The following NAV2 variants were observed in gnomAD, a reference collection of about 807,000 sequenced individuals.
NAV2 encodes helicase, APC down-regulated 1.
In NAV2, 54 loss-of-function variants were observed where a neutral mutation model predicts 223.2. The ratio of observed to expected loss-of-function variants is 0.24; its 90% CI spans 0.19 to 0.30. The LOEUF is 0.30. Among genes scored for constraint, NAV2 ranks in the 10% least tolerant of loss-of-function variants. NAV2 has a pLI of 1.00. For missense variants in NAV2, 2,806 were observed against 3,147.5 expected, an observed-to-expected ratio of 0.89 and a Z score of 2.60; for synonymous variants, 1,279 against 1,239.3, an observed-to-expected ratio of 1.03 and a Z score of -0.67.
chr11:20,106,175 A>ATATATATGTGTGTGTGTGTGTGTGTGTG (rs11267537), intron 35 of NAV2, among the ~76,000 whole-genome samples: 3 of 35,828 alleles, frequency 8.4e-5, no homozygotes, highest in African/African-American at 2.0e-4. Flanking sequence ...ATATATATAT[A>ATATATATGTGTGTGTGTGTGTGTGTGTG]TGTGTGTGTA....
intron 1 of NAV2, among the ~76,000 whole-genome samples, chr11:19,826,127 TTGA>T (rs1237977950): frequency 2.0e-5 from 3 of 152,170 alleles, no homozygotes; most frequent in Non-Finnish European, 4.4e-5. Context: ...GTGAAATGAC[TTGA>T]TGATTTAGAA....
intron 2 of NAV2, among the ~76,000 whole-genome samples, chr11:19,836,550 C>G (rs1397658975): frequency 1.5e-5 from 2 of 131,742 alleles, no homozygotes. Flanking sequence ...GGCGACAGAG[C>G]GAGACTCTGT....
chr11:19,489,539 GTC>G (rs2042554901), intron 1 of NAV2, among the ~76,000 whole-genome samples: 1 of 152,168 alleles, frequency 6.6e-6, no homozygotes, highest in African/African-American at 2.4e-5. Context: ...GAGGGTCACA[GTC>G]TCTGACTTAC....
At chr11:19,981,631 G>GT (rs2050297809) in intron 10 of NAV2, among the ~76,000 whole-genome samples, 2 of 152,242 alleles carry the variant, frequency 1.3e-5, no homozygotes, top group Admixed American at 1.3e-4. Flanking sequence ...GCTTAATGGT[G>GT]TAATAGATGG....
intron 3 of NAV2, among the ~76,000 whole-genome samples, chr11:19,854,539 G>C (rs780011787): frequency 6.6e-6 from 1 of 152,122 alleles, no homozygotes; most frequent in Non-Finnish European, 1.5e-5. Context: ...CTTTGGGTGG[G>C]TGTGGGCTGT....
At chr11:20,050,899 G>A (rs1438339623) in intron 16 of NAV2, among the ~76,000 whole-genome samples, 1 of 152,238 alleles carries the variant, frequency 6.6e-6, no homozygotes, top group African/African-American at 2.4e-5. Flanking sequence ...AGGGGTGCAG[G>A]GAAGTGGGCA....
In NAV2 at chr11:19,978,672, T is replaced by A. The variant is rs59314048; in HGVS notation, c.2646-5453T>A. On this transcript the variant is annotated intron_variant, in intron 10 of 37. Transcript: ENST00000349880. ...GAGGTTTTTTTTTTTTTTTTTTTTT[T>A]ATGTCATGCTCTATTAGAAATGCAC... 6.8e-3 allele frequency: 567 copies of A among 83,674 alleles called. 3 individuals are homozygous for A. The highest frequency in any genetic ancestry group is 0.025 in the African/African-American group (534 of 21,466). 5.2% of individuals were successfully genotyped at this position (83,674 alleles called of 1,614,324 possible). A position where few individuals can be genotyped will look rare whatever the true frequency, so the allele number is the denominator to read the frequency against.
chr11:19,911,031 ATT>A (rs996900212), intron 6 of NAV2, among the ~76,000 whole-genome samples: 4,803 of 123,274 alleles, frequency 0.039, 263 homozygotes, highest in African/African-American at 0.13. Flanking sequence ...TTGCAAGCAC[ATT>A]TTTTTTTTTT....
chr11:20,082,715 C>T, intron 25 of NAV2: 1 of 1,102,668 alleles, frequency 9.1e-7, no homozygotes, highest in Non-Finnish European at 1.4e-6. Context: ...TGTGTAACCT[C>T]ATCTTCCCAA....
rs1270539558 is a variant in NAV2 at position 19,898,575 on chromosome 11, ATATC to A, written c.931+5982_931+5985del. Among the ~76,000 whole-genome samples the A allele has an allele frequency of 3.3e-5, 5 of 152,180 alleles. No individual in the cohort carries two copies. In the South Asian group the frequency reaches 1.0e-3, roughly 31 times the overall value. Reference sequence around the variant, plus strand: ...TATTCCATTGTATGGATTTACCACAATATCGTTTAATCACTTTCATTTATGTTGT... The same window carrying A: ...TATTCCATTGTATGGATTTACCACAAGTTTAATCACTTTCATTTATGTTGT... On this transcript the variant is annotated intron_variant, in intron 6 of 37. Coordinates refer to ENST00000349880, the MANE Select transcript of NAV2 (RefSeq NM_145117.5).
At chr11:19,948,562 A>G in intron 9 of NAV2, 129 bp from the exon 10 acceptor site, 2 of 973,382 alleles carry the variant, frequency 2.1e-6, no homozygotes, top group South Asian at 2.4e-5. Context: ...CAGGTGGTAC[A>G]TGGGGGCTGG....
intron 4 of NAV2, among the ~76,000 whole-genome samples, chr11:19,877,072 G>A (rs2062884781): frequency 6.6e-6 from 1 of 151,944 alleles, no homozygotes. Flanking sequence ...GTTACACAGT[G>A]TTAGGAAACT....
rs202078188 is a variant in NAV2, at chr11:19,719,077, C to T, written c.267+5115C>T. ...TACTTATAAGATATAAGGGATGTAGCCTTCAGAGAGGTGTTTTCATGAGGC... is the reference window on the plus strand; with the variant it reads ...TACTTATAAGATATAAGGGATGTAGTCTTCAGAGAGGTGTTTTCATGAGGC... On this transcript the variant is annotated intron_variant, in intron 1 of 37. Transcript: ENST00000349880. Among the ~76,000 whole-genome samples, 25 of 152,254 alleles carry T rather than the reference C, an allele frequency of 1.6e-4. No homozygotes were observed. In the East Asian group the frequency reaches 2.3e-3, roughly 14 times the overall value.
chr11:19,427,661 C>T (rs535857707), intron 1 of NAV2, among the ~76,000 whole-genome samples: 6 of 152,332 alleles, frequency 3.9e-5, no homozygotes, highest in African/African-American at 1.4e-4. Context: ...CAATCTCCCA[C>T]AGCCATGCCA....
chr11:20,088,994 C>A (rs188216320), intron 26 of NAV2, among the ~76,000 whole-genome samples: 24 of 151,922 alleles, frequency 1.6e-4, no homozygotes, highest in African/African-American at 5.3e-4. Flanking sequence ...CTCCTGCAAA[C>A]CTCCCAAACC....
At chr11:19,493,496 A>G (rs2042696711) in intron 1 of NAV2, among the ~76,000 whole-genome samples, 1 of 152,198 alleles carries the variant, frequency 6.6e-6, no homozygotes, top group Non-Finnish European at 1.5e-5. Context: ...TATTGTTAAA[A>G]TTTATGATTA....
At chr11:19,808,902 A>G (rs746835572) in intron 1 of NAV2, among the ~76,000 whole-genome samples, 4 of 152,212 alleles carry the variant, frequency 2.6e-5, no homozygotes, top group Non-Finnish European at 4.4e-5. Context: ...AATGTCTTAC[A>G]TCAAGTAAAC....
chr11:19,590,573 A>G (rs2046031305), intron 1 of NAV2, among the ~76,000 whole-genome samples: 1 of 152,192 alleles, frequency 6.6e-6, no homozygotes, highest in Non-Finnish European at 1.5e-5. Context: ...GCTTGAGTTT[A>G]TATCTGGAAA....
chr11:19,825,563 A>G (rs2059607643), intron 1 of NAV2, among the ~76,000 whole-genome samples: 1 of 152,152 alleles, frequency 6.6e-6, no homozygotes, highest in Non-Finnish European at 1.5e-5. Context: ...TGGCATATCC[A>G]TCTGCATTTA....
Sources: gnomAD v4.1 joint callset for allele counts (sites outside exome capture counted in the v4.1 genomes callset) on GRCh38, gnomAD v4.1.1 for gene constraint, MANE v1.5 for transcripts, NCBI Gene and HGNC (gene_info 2026-07-23, HGNC 2026-07-21) for gene names.